The following ZNF256 variants were observed in gnomAD, a reference collection of about 807,000 sequenced individuals.
ZNF256 encodes zinc finger protein 256, also known as bone marrow zinc finger 3.
Under a neutral mutation model 7.9 loss-of-function variants are expected in ZNF256, and 4 were observed. That is an observed-to-expected ratio of 0.50 (90% CI 0.25 to 1.15). ZNF256 has a LOEUF of 1.15. Ranked by LOEUF, ZNF256 falls within the 50% of genes most tolerant of loss-of-function variation. ZNF256 has a pLI of 0.15. For synonymous variants in ZNF256, 260 were observed against 260.4 expected, an observed-to-expected ratio of 1.00 and a Z score of 0.02; for missense variants, 666 against 755.9, an observed-to-expected ratio of 0.88 and a Z score of 1.39.
intron 2 of ZNF256, 35 bp from the exon 3 acceptor site, chr19:57,942,682 G>T: frequency 1.3e-6 from 2 of 1,593,268 alleles, no homozygotes; most frequent in South Asian, 2.3e-5. Flanking sequence ...AGAGCATGCT[G>T]ACTTTAGTGG....
intron 1 of ZNF256, among the ~76,000 whole-genome samples, chr19:57,945,026 G>A (rs999050387): frequency 1.1e-4 from 17 of 151,674 alleles, no homozygotes; most frequent in African/African-American, 4.1e-4. Flanking sequence ...CTCCCAAGTA[G>A]CTGGGACTAC....
intron 1 of ZNF256, among the ~76,000 whole-genome samples, chr19:57,945,663 C>A (rs2072761856): frequency 6.6e-6 from 1 of 152,200 alleles, no homozygotes; most frequent in Non-Finnish European, 1.5e-5. Flanking sequence ...AAATCCCAGA[C>A]TTCCCACAGC....
intron 1 of ZNF256, 82 bp from the exon 2 acceptor site, chr19:57,944,142 T>C: frequency 6.3e-7 from 1 of 1,585,206 alleles, no homozygotes; most frequent in Admixed American, 1.8e-5. Flanking sequence ...ATTTACCCCA[T>C]GCTCATCCTC....
chr19:57,940,929 C>T lies in ZNF256; in HGVS notation c.1879G>A (p.Gly627Arg), dbSNP rs2072721955. 1.8e-5 allele frequency: 29 copies of T among 1,612,450 alleles called. No homozygotes were observed. Among genetic ancestry groups the T allele is most frequent in the Non-Finnish European group, 2.4e-5 (28 of 1,178,728 alleles). The stretch of plus-strand genomic sequence containing the variant: ...CTATGTGTGTTACCTAACCTTTATC[C>T]CTTGTGAACGTTCTGATGTTTTAGG... ...NLLKHQNVHK[G>R] is the part of the protein sequence containing the mutation. The change falls in exon 3 of 3, where the codon GGA becomes AGA. Residue 627 changes from glycine (G) to arginine (R), a missense_variant. Gly to Arg is a moderately radical substitution (Grantham distance 125). Coordinates refer to ENST00000282308, the MANE Select transcript of ZNF256 (RefSeq NM_005773.3).
intron 1 of ZNF256, among the ~76,000 whole-genome samples, chr19:57,945,619 G>A (rs566572488): frequency 6.6e-6 from 1 of 152,170 alleles, no homozygotes; most frequent in Non-Finnish European, 1.5e-5. Flanking sequence ...AACTTGGCAG[G>A]CAGCATCCAG....
chr19:57,940,956 GGTTGGA>G lies in ZNF256; in HGVS notation c.1846_1851del (p.Ser616_Asn617del), dbSNP rs1263595272. The G allele has an allele frequency of 4.3e-6, 7 of 1,614,126 alleles. No homozygotes were observed. The highest frequency in any genetic ancestry group is 5.1e-6 in the Non-Finnish European group (6 of 1,180,000). On this transcript the variant is annotated inframe_deletion, in exon 3 of 3. Coordinates refer to ENST00000282308, the MANE Select transcript of ZNF256 (RefSeq NM_005773.3). ...TTGTGAACGTTCTGATGTTTTAGGA[GGTTGGA>G]GTTGAAGGTAAAAAATTTTCCACAG...
At position 57,947,601 on chromosome 19, in the gene ZNF256, C is replaced by G. The variant is rs575522514; in HGVS notation, c.-127G>C. On this transcript the variant is annotated 5_prime_UTR_variant, in exon 1 of 3. Transcript: ENST00000282308. ...GGGGAAGACTCCTCTCGCGCCTTCT[C>G]AGTCAGTCACGGATGATGCTGACCC... The G allele has an allele frequency of 9.5e-5, 89 of 936,964 alleles. No individual in the cohort carries two copies. In the African/African-American group the frequency reaches 1.4e-3, roughly 15 times the overall value. The allele number at this position is 936,964 out of a possible 1,614,324, so 58.0% of individuals were successfully genotyped here.
intron 1 of ZNF256, among the ~76,000 whole-genome samples, chr19:57,945,480 TAA>T (rs1006205764): frequency 6.6e-6 from 1 of 152,200 alleles, no homozygotes; most frequent in African/African-American, 2.4e-5. Flanking sequence ...TTCATTTGGC[TAA>T]GAGAGCTTAT....
At position 57,941,504 on chromosome 19, in the gene ZNF256, T is replaced by C. The variant is rs141634946; in HGVS notation, c.1304A>G (p.His435Arg). ...HQRVHTGVRS[H>R]ECHECGKLFS... The stretch of plus-strand genomic sequence containing the variant: ...TAATTTTCCACATTCATGACATTCA[T>C]GAGATCTTACTCCAGTATGAACTCT... The change falls in exon 3 of 3, where the codon CAT (histidine) becomes CGT (arginine). Residue 435 changes from histidine to arginine, a missense_variant. His to Arg is a conservative substitution (Grantham distance 29, BLOSUM62 0). Transcript: ENST00000282308. The C allele has an allele frequency of 2.4e-5, 39 of 1,614,054 alleles. No homozygotes were observed. The East Asian group carries it at 8.0e-4, about 33-fold the overall frequency.
At position 57,944,034 on chromosome 19, in the gene ZNF256, A is replaced by T; in HGVS notation, c.60T>A (p.Ala20=). The T allele has an allele frequency of 6.2e-7, 1 of 1,613,980 alleles. No homozygotes were observed. The highest frequency in any genetic ancestry group is 8.5e-7 in the Non-Finnish European group (1 of 1,179,932). Residue 20 remains alanine (A), a synonymous_variant, in exon 2 of 3, where the codon GCT becomes GCA. Transcript: ENST00000282308. ...AQGIVTFEDV[A]VYFSWKEWGL... is the part of the protein sequence containing the mutation. ...CCCACTCCTTCCAGGAGAAGTAAACAGCCACGTCCTCAAAGGTCACAATGC... is the reference window on the plus strand; with the variant it reads ...CCCACTCCTTCCAGGAGAAGTAAACTGCCACGTCCTCAAAGGTCACAATGC...
Position 57,941,255 on chromosome 19 carries a change from G to T in ZNF256, c.1553C>A (p.Pro518His). Residue 518 changes from proline to histidine, a missense_variant, in exon 3 of 3, where the codon CCT (proline) becomes CAT (histidine). By Grantham distance (77) the Pro-to-His change is moderately conservative (BLOSUM62 -2). Transcript: ENST00000282308. The stretch of plus-strand genomic sequence containing the variant: ...CTTCCCACATTCATTGCACTCATAA[G>T]GCCTTTCTCCAGTGTGAACTCTCTG... ...QHQRVHTGER[P>H]YECNECGKFF... 2 of 1,614,194 alleles carry T rather than the reference G, an allele frequency of 1.2e-6. No homozygotes were observed. Among genetic ancestry groups the T allele is most frequent in the Non-Finnish European group, 8.5e-7 (1 of 1,180,038 alleles).
chr19:57,946,935 G>T (rs1003922319), intron 1 of ZNF256, among the ~76,000 whole-genome samples: 2 of 152,068 alleles, frequency 1.3e-5, no homozygotes, highest in Non-Finnish European at 2.9e-5. Flanking sequence ...TCTATATACC[G>T]GCTAACATGG....
At position 57,941,893 on chromosome 19, in the gene ZNF256, G is replaced by A. The variant is rs373761012; in HGVS notation, c.915C>T (p.Asn305=). Residue 305 remains asparagine (N), a synonymous_variant, in exon 3 of 3, where the codon AAC becomes AAT. Transcript: ENST00000282308. ...GATGTATAAGAAGGTCATACTTCCT[G>A]TTAAATAATTTTCCACATTCATCAC... ...HQCDECGKLF[N]RKYDLLIHQR... 9 of 1,614,086 alleles carry A rather than the reference G, an allele frequency of 5.6e-6. No homozygotes were observed. In the African/African-American group the frequency reaches 1.2e-4, roughly 22 times the overall value.
intron 1 of ZNF256, among the ~76,000 whole-genome samples, chr19:57,945,797 C>G (rs1346598860): frequency 6.6e-6 from 1 of 152,224 alleles, no homozygotes; most frequent in African/African-American, 2.4e-5. Flanking sequence ...CCCTATTCCA[C>G]TTCTGTGCTG....
chr19:57,947,635 G>A lies in ZNF256; in HGVS notation c.-161C>T. On this transcript the variant is annotated 5_prime_UTR_variant, in exon 1 of 3. Coordinates refer to ENST00000282308, the MANE Select transcript of ZNF256 (RefSeq NM_005773.3). ...ACGGATGATGCTGACCCAGCGCTCCGGGGCTTTCTACCAAGTAATCAGTCC... is the reference window on the plus strand; with the variant it reads ...ACGGATGATGCTGACCCAGCGCTCCAGGGCTTTCTACCAAGTAATCAGTCC... 3 of 645,450 alleles carry A rather than the reference G, an allele frequency of 4.6e-6. No homozygotes were observed. The highest frequency in any genetic ancestry group is 6.8e-6 in the Non-Finnish European group (3 of 441,402). The allele number at this position is 645,450 out of a possible 1,614,324, so 40.0% of individuals were successfully genotyped here. A position where few individuals can be genotyped will look rare whatever the true frequency, so the allele number is the denominator to read the frequency against.
At chr19:57,946,950 A>T (rs536512361) in intron 1 of ZNF256, among the ~76,000 whole-genome samples, 8 of 152,340 alleles carry the variant, frequency 5.3e-5, no homozygotes, top group Non-Finnish European at 1.0e-4. Flanking sequence ...ACATGGACAT[A>T]GGACCCTGGG....
At chr19:57,944,191 G>C (rs2072750509) in intron 1 of ZNF256, 131 bp from the exon 2 acceptor site, 1 of 1,355,212 alleles carries the variant, frequency 7.4e-7, no homozygotes, top group East Asian at 2.5e-5. Context: ...AGAGGAGAAA[G>C]CAGTCAGCTG....
At position 57,941,583 on chromosome 19, in the gene ZNF256, A is replaced by T. The variant is rs1396356731; in HGVS notation, c.1225T>A (p.Cys409Ser). ...RLHIGEGPYE[C>S]SECGKLFTYR... ...GTAAACAATTTCCCACATTCACTACACTCATAAGGCCCTTCTCCAATGTGA... is the reference window on the plus strand; with the variant it reads ...GTAAACAATTTCCCACATTCACTACTCTCATAAGGCCCTTCTCCAATGTGA... The change falls in exon 3 of 3, where the codon TGT becomes AGT. Residue 409 changes from cysteine (C) to serine (S), a missense_variant. Coordinates refer to ENST00000282308, the MANE Select transcript of ZNF256 (RefSeq NM_005773.3). 1.9e-6 allele frequency: 3 copies of T among 1,614,076 alleles called. No homozygotes were observed. The highest frequency in any genetic ancestry group is 1.7e-6 in the Non-Finnish European group (2 of 1,180,016).
chr19:57,944,563 G>A (rs2072753642), intron 1 of ZNF256, among the ~76,000 whole-genome samples: 1 of 152,236 alleles, frequency 6.6e-6, no homozygotes, highest in South Asian at 2.1e-4. Context: ...AGTGGCTCAT[G>A]CCTGTAATCC....
Sources: gnomAD v4.1 joint callset for allele counts (sites outside exome capture counted in the v4.1 genomes callset) on GRCh38, gnomAD v4.1.1 for gene constraint, MANE v1.5 for transcripts, NCBI Gene and HGNC (gene_info 2026-07-23, HGNC 2026-07-21) for gene names.